Variants in SDE2 observed in about 807,000 individuals in gnomAD.
SDE2 encodes the protein splicing regulator SDE2.
A neutral mutation model predicts 46.9 loss-of-function variants in SDE2; 31 were observed. The ratio of observed to expected loss-of-function variants is 0.66; its 90% CI spans 0.50 to 0.89. The LOEUF is 0.89. Ranked by LOEUF, SDE2 falls within the 40% of genes least tolerant of loss-of-function variation. The pLI is 0.00. For missense variants in SDE2, 542 were observed against 564.4 expected (o/e 0.96, Z 0.40); for synonymous variants, 205 against 204.3 (o/e 1.00, Z -0.03).
chr1:225,992,928 T>C lies in SDE2; in HGVS notation c.313A>G (p.Ser105Gly), dbSNP rs1163142467. ...TTGACATCGCGTAGTCTCCTTCCAC[T>C]GAGATCCCGACAAGCTTCTCGATTG... ...TTNREACRDL[S>G]GRRLRDVNHE... Residue 105 changes from serine to glycine, a missense_variant, in exon 3 of 7, where the codon AGT (serine) becomes GGT (glycine). By Grantham distance (56) the Ser-to-Gly change is moderately conservative. Coordinates refer to ENST00000272091, the MANE Select transcript of SDE2 (RefSeq NM_152608.4). The C allele has an allele frequency of 6.2e-7, 1 of 1,612,810 alleles. No homozygotes were observed. Among genetic ancestry groups the C allele is most frequent in the East Asian group, 2.2e-5 (1 of 44,860 alleles).
In SDE2 at chr1:225,999,255, C is replaced by A. The variant is rs767440989; in HGVS notation, c.58G>T (p.Val20Leu). The A allele has an allele frequency of 6.2e-7, 1 of 1,613,400 alleles. No individual in the cohort carries two copies. Among genetic ancestry groups the A allele is most frequent in the Non-Finnish European group, 8.5e-7 (1 of 1,179,820 alleles). Residue 20 changes from valine (V) to leucine (L), a missense_variant, in exon 1 of 7, where the codon GTG becomes TTG. Physicochemically the swap from Val to Leu is conservative, Grantham distance 32 (BLOSUM62 1). Coordinates refer to ENST00000272091, the MANE Select transcript of SDE2 (RefSeq NM_152608.4). The part of the protein sequence containing the change: ...IRGPGFGCKA[V>L]RCASGRCTVR... ...GTGCACCGACCCGAGGCACACCGCA[C>A]CGCCTTGCACCCGAAGCCAGGGCCG...
chr1:225,998,710 A>C (rs1373927706), intron 1 of SDE2, among the ~76,000 whole-genome samples: 1 of 152,196 alleles, frequency 6.6e-6, no homozygotes, highest in East Asian at 1.9e-4. Context: ...CTTGGTCACA[A>C]CGACTGACCA....
rs1398800418 is a variant in SDE2 at position 225,992,916 on chromosome 1, G to A, written c.325C>T (p.Leu109=). 6.2e-7 allele frequency: 1 copy of A among 1,610,714 alleles called. No individual in the cohort carries two copies. Among genetic ancestry groups the A allele is most frequent in the Non-Finnish European group, 8.5e-7 (1 of 1,177,084 alleles). ...GCTTTTTCATGATTGACATCGCGTAGTCTCCTTCCACTGAGATCCCGACAA... is the reference window on the plus strand; with the variant it reads ...GCTTTTTCATGATTGACATCGCGTAATCTCCTTCCACTGAGATCCCGACAA... The part of the protein sequence containing the change: ...EACRDLSGRR[L]RDVNHEKAMA... The change falls in exon 3 of 7, where the codon CTA becomes TTA. Residue 109 remains leucine (L), a synonymous_variant. Coordinates refer to ENST00000272091, the MANE Select transcript of SDE2 (RefSeq NM_152608.4).
rs530783117 is a variant in SDE2 at position 225,984,371 on chromosome 1, C to T, written c.*931G>A. 1 of 151,960 alleles carries T rather than the reference C, an allele frequency of 6.6e-6. No homozygotes were observed. Among genetic ancestry groups the T allele is most frequent in the Non-Finnish European group, 1.5e-5 (1 of 67,968 alleles). 9.4% of individuals were successfully genotyped at this position (151,960 alleles called of 1,614,324 possible). A position where few individuals can be genotyped will look rare whatever the true frequency, so the allele number is the denominator to read the frequency against. On this transcript the variant is annotated 3_prime_UTR_variant, in exon 7 of 7. Coordinates refer to ENST00000272091, the MANE Select transcript of SDE2 (RefSeq NM_152608.4). ...AGCTTTAAATATGTATTTTAAATAACGTCTAAGATCAATGACCTAAGGCTT... is the reference window on the plus strand; with the variant it reads ...AGCTTTAAATATGTATTTTAAATAATGTCTAAGATCAATGACCTAAGGCTT...
chr1:225,993,098 T>A (rs988923549), intron 2 of SDE2, 96 bp from the exon 3 acceptor site: 68 of 547,002 alleles, frequency 1.2e-4, no homozygotes, highest in Middle Eastern at 1.1e-3. Flanking sequence ...AGATTAACAA[T>A]GATCTCTACT....
chr1:225,993,434 AC>A (rs1357804144), intron 2 of SDE2, among the ~76,000 whole-genome samples: 1 of 152,020 alleles, frequency 6.6e-6, no homozygotes, highest in Non-Finnish European at 1.5e-5. Context: ...ACACAGTGAA[AC>A]CCCGTCTCTA....
At position 225,985,497 on chromosome 1, in the gene SDE2, T is replaced by C. The variant is rs889898661; in HGVS notation, c.1161A>G (p.Leu387=). The part of the protein sequence containing the change: ...NAVIDKETID[L]LAFTSVAELE... ...GTTCTGCAACAGAGGTGAACGCCAA[T>C]AAATCTATAGTTTCCTTATCAATAA... The change falls in exon 7 of 7, where the codon TTA becomes TTG. Residue 387 remains leucine, a synonymous_variant. Coordinates refer to ENST00000272091, the MANE Select transcript of SDE2 (RefSeq NM_152608.4). 1 of 1,612,826 alleles carries C rather than the reference T, an allele frequency of 6.2e-7. No homozygotes were observed. The highest frequency in any genetic ancestry group is 1.3e-5 in the African/African-American group (1 of 74,878).
intron 1 of SDE2, among the ~76,000 whole-genome samples, chr1:225,995,987 C>T (rs1461241209): frequency 6.6e-6 from 1 of 152,142 alleles, no homozygotes; most frequent in African/African-American, 2.4e-5. Flanking sequence ...CTAAGCAGTC[C>T]TGTAACCCAG....
In SDE2 at chr1:225,993,513, G is replaced by A. The variant is rs1384629866; in HGVS notation, c.239-511C>T. Among the ~76,000 whole-genome samples the A allele has an allele frequency of 2.0e-5, 3 of 152,020 alleles. No individual in the cohort carries two copies. The South Asian group carries it at 6.2e-4, about 31-fold the overall frequency. ...TGTAGTCCCAGCTACTCAGGAGGCT[G>A]AGGCAGGAGAATGGCGTGAACCCAG... On this transcript the variant is annotated intron_variant, in intron 2 of 6. Transcript: ENST00000272091.
chr1:225,993,053 T>C (rs768052992), intron 2 of SDE2, 51 bp from the exon 3 acceptor site: 3 of 875,532 alleles, frequency 3.4e-6, no homozygotes, highest in South Asian at 1.5e-5. Context: ...CAAGGATGGA[T>C]AAAAGCAGAA....
At chr1:225,998,510 G>A (rs1485698370) in intron 1 of SDE2, among the ~76,000 whole-genome samples, 1 of 152,172 alleles carries the variant, frequency 6.6e-6, no homozygotes, top group African/African-American at 2.4e-5. Context: ...AACTGAACAG[G>A]TTTAATATCT....
chr1:225,990,600 A>AC (rs1656377450), intron 5 of SDE2, among the ~76,000 whole-genome samples: 1 of 152,224 alleles, frequency 6.6e-6, no homozygotes, highest in Non-Finnish European at 1.5e-5. Context: ...AGGTAGTGTC[A>AC]CCACCCTTTC....
intron 1 of SDE2, among the ~76,000 whole-genome samples, chr1:225,998,138 AG>A (rs1436383106): frequency 2.0e-5 from 3 of 151,464 alleles, no homozygotes; most frequent in Non-Finnish European, 4.4e-5. Flanking sequence ...GGGGTGGGGG[AG>A]GGGGAGAAAA....
chr1:225,985,566 C>A (rs552858704), intron 6 of SDE2, 43 bp from the exon 7 acceptor site: 1 of 1,270,112 alleles, frequency 7.9e-7, no homozygotes, highest in Admixed American at 1.7e-5. Flanking sequence ...AGGCTCCTTC[C>A]TCTGAATAAA....
chr1:225,995,876 GAAAAATGAGC>G (rs1291108282), intron 1 of SDE2, among the ~76,000 whole-genome samples: 1 of 152,160 alleles, frequency 6.6e-6, no homozygotes, highest in Admixed American at 6.6e-5. Context: ...ATAAATACAT[GAAAAATGAGC>G]AAAAATGAGC....
rs1424908462 is a variant in SDE2, at chr1:225,999,332, T to C, written c.-20A>G. 6.2e-7 allele frequency: 1 copy of C among 1,605,870 alleles called. No homozygotes were observed. The highest frequency in any genetic ancestry group is 8.5e-7 in the Non-Finnish European group (1 of 1,176,164). On this transcript the variant is annotated 5_prime_UTR_variant, in exon 1 of 7. Coordinates refer to ENST00000272091, the MANE Select transcript of SDE2 (RefSeq NM_152608.4). ...CGCCATGTCACCGACTACCCGAACCTCAAGCCTCTCTGAGACACCAGGCGC... is the reference window on the plus strand; with the variant it reads ...CGCCATGTCACCGACTACCCGAACCCCAAGCCTCTCTGAGACACCAGGCGC...
At chr1:225,991,718 C>T (rs1211649435) in intron 4 of SDE2, among the ~76,000 whole-genome samples, 7 of 152,128 alleles carry the variant, frequency 4.6e-5, no homozygotes, top group Admixed American at 3.3e-4. Flanking sequence ...GTTTCTTATT[C>T]GATTGTTCCC....
chr1:225,988,029 G>C lies in SDE2; in HGVS notation c.1001C>G (p.Pro334Arg), dbSNP rs190593519. ...ATCCTTATTCAGTCCAGCCCCAGTG[G>C]GCTCCTCTTCTATGGGTTCTTTACT... is the stretch of plus-strand genomic sequence containing the variant. ...AESKEPIEEE[P>R]TGAGLNKDKE... Residue 334 changes from proline to arginine, a missense_variant, in exon 6 of 7, where the codon CCC becomes CGC. Pro to Arg is a moderately radical substitution (Grantham distance 103). Transcript: ENST00000272091. 1.2e-6 allele frequency: 2 copies of C among 1,614,094 alleles called. No homozygotes were observed. Among genetic ancestry groups the C allele is most frequent in the Admixed American group, 3.3e-5 (2 of 59,998 alleles).
Position 225,987,905 on chromosome 1 carries a change from T to C in SDE2, c.1125A>G (p.Pro375=), listed in dbSNP as rs1221835599. Residue 375 remains proline (P), a synonymous_variant, in exon 6 of 7, where the codon CCA becomes CCG. Coordinates refer to ENST00000272091, the MANE Select transcript of SDE2 (RefSeq NM_152608.4). ...VAVAKLQESQ[P]GNAVIDKETI... The stretch of plus-strand genomic sequence containing the variant: ...CCCAAAACATACTTACTGCGTTTCC[T>C]GGCTGGCTTTCCTGCAGTTTGGCAA... The C allele has an allele frequency of 6.2e-7, 1 of 1,611,382 alleles. No individual in the cohort carries two copies. The highest frequency in any genetic ancestry group is 8.5e-7 in the Non-Finnish European group (1 of 1,179,196).
Sources: gnomAD v4.1 joint callset for allele counts (sites outside exome capture counted in the v4.1 genomes callset) on GRCh38, gnomAD v4.1.1 for gene constraint, MANE v1.5 for transcripts, NCBI Gene and HGNC (gene_info 2026-07-23, HGNC 2026-07-21) for gene names.